BTBD1: variants seen among roughly 807,000 people sequenced by gnomAD.
BTBD1 encodes BTB/POZ domain-containing protein 1.
A neutral mutation model predicts 48.0 loss-of-function variants in BTBD1; 34 were observed. The observed-to-expected ratio is 0.71, with a 90% CI of 0.54 to 0.94. The LOEUF is 0.94. Among genes scored for constraint, BTBD1 ranks in the 40% least tolerant of loss-of-function variants. The probability of loss-of-function intolerance (pLI) is 0.00; values close to 1 mark genes in which losing one functional copy is unlikely to be tolerated. For missense variants in BTBD1, 543 were observed against 625.6 expected (o/e 0.87, Z 1.41); for synonymous variants, 261 against 242.1 (o/e 1.08, Z -0.72).
chr15:83,020,767 G>A lies in BTBD1; in HGVS notation c.1056-5C>T. On this transcript the variant is annotated splice_polypyrimidine_tract_variant and splice_region_variant and intron_variant, in intron 5 of 7. Transcript: ENST00000261721. ...ATCCTTCTATTAACTGTGAATCTGA[G>A]AGAAAGAAGCCAAAAATAAAATATA... 3 of 1,563,042 alleles carry A rather than the reference G, an allele frequency of 1.9e-6. No homozygotes were observed. Among genetic ancestry groups the A allele is most frequent in the Non-Finnish European group, 2.6e-6 (3 of 1,136,892 alleles).
intron 2 of BTBD1, among the ~76,000 whole-genome samples, chr15:83,054,934 A>G (rs577954344): frequency 6.6e-6 from 1 of 152,142 alleles, no homozygotes; most frequent in East Asian, 1.9e-4. Context: ...GGCCCTACCT[A>G]GCCTATGAGG....
chr15:83,054,326 G>C, intron 2 of BTBD1, among the ~76,000 whole-genome samples: 1 of 151,948 alleles, frequency 6.6e-6, no homozygotes, highest in East Asian at 1.9e-4. Context: ...AACAGAGTTA[G>C]AATCTGCCTC....
rs1423457314 is a variant in BTBD1, at chr15:83,016,851, T to C, written c.*1216A>G. 6 of 152,224 alleles carry C rather than the reference T, an allele frequency of 3.9e-5. No individual in the cohort carries two copies. The highest frequency in any genetic ancestry group is 3.2e-3 in the Middle Eastern group (1 of 316). 9.4% of individuals were successfully genotyped at this position (152,224 alleles called of 1,614,324 possible). Reference sequence around the variant, plus strand: ...TAGATGAAAATTTTTTGTATCTTACTTAGAAAAAATTAAGTTGATATTTAA... The same window carrying C: ...TAGATGAAAATTTTTTGTATCTTACCTAGAAAAAATTAAGTTGATATTTAA... On this transcript the variant is annotated 3_prime_UTR_variant, in exon 8 of 8. Transcript: ENST00000261721.
At chr15:83,039,992 CACACACACACACACACACACACACGG>C (rs1176812305) in intron 4 of BTBD1, among the ~76,000 whole-genome samples, 24 of 150,322 alleles carry the variant, frequency 1.6e-4, no homozygotes, top group East Asian at 3.9e-4. Context: ...GTGACACACA[CACACACACACACACACACACACACGG>C]ACACACACAC....
chr15:83,048,979 A>G (rs1221700936), intron 3 of BTBD1, among the ~76,000 whole-genome samples: 3 of 152,256 alleles, frequency 2.0e-5, no homozygotes, highest in Non-Finnish European at 4.4e-5. Context: ...GACCTCCCAC[A>G]CAACGCAGTT....
chr15:83,042,515 C>T (rs1481763475), intron 3 of BTBD1, among the ~76,000 whole-genome samples: 2 of 151,708 alleles, frequency 1.3e-5, no homozygotes, highest in Admixed American at 1.3e-4. Context: ...TCCTGGGTAG[C>T]TTGGATTACT....
intron 1 of BTBD1, among the ~76,000 whole-genome samples, chr15:83,065,753 C>G (rs575338777): frequency 6.6e-6 from 1 of 152,302 alleles, no homozygotes; most frequent in Non-Finnish European, 1.5e-5. Context: ...ACAATTCTTA[C>G]GCCTCCCTAA....
intron 5 of BTBD1, among the ~76,000 whole-genome samples, chr15:83,021,031 G>A (rs2032284012): frequency 6.6e-6 from 1 of 151,998 alleles, no homozygotes; most frequent in African/African-American, 2.4e-5. Context: ...AGTGCTATAC[G>A]AGTCCAAATA....
At chr15:83,023,250 T>C (rs562309253) in intron 5 of BTBD1, among the ~76,000 whole-genome samples, 136 of 152,328 alleles carry the variant, frequency 8.9e-4, no homozygotes, top group African/African-American at 3.2e-3. Flanking sequence ...TTATTTGCAG[T>C]TTTTGTTATT....
chr15:83,051,544 T>C (rs1051721876), intron 2 of BTBD1, among the ~76,000 whole-genome samples: 1 of 150,714 alleles, frequency 6.6e-6, no homozygotes, highest in Non-Finnish European at 1.5e-5. Flanking sequence ...TACTCGAATG[T>C]TTGAAAATGC....
chr15:83,062,928 C>G (rs552550295), intron 1 of BTBD1, among the ~76,000 whole-genome samples: 34 of 152,276 alleles, frequency 2.2e-4, no homozygotes, highest in Middle Eastern at 3.4e-3. Context: ...TCTGCCTAAC[C>G]TACTCTAATC....
intron 3 of BTBD1, among the ~76,000 whole-genome samples, chr15:83,046,106 A>G (rs1270876008): frequency 6.6e-6 from 1 of 151,958 alleles, no homozygotes; most frequent in African/African-American, 2.4e-5. Flanking sequence ...TGAATTACCA[A>G]TTTTTGGGGC....
rs571107201 is a variant in BTBD1, at chr15:83,066,894, G to A, written c.258C>T (p.Gly86=). 2.4e-5 allele frequency: 36 copies of A among 1,508,812 alleles called. 2 individuals carry two copies. The South Asian group carries it at 4.0e-4, about 17-fold the overall frequency. 93.5% of individuals were successfully genotyped at this position (1,508,812 alleles called of 1,614,324 possible). ...GKGRGAAAAG[G]PQRIPAHRFV... is the part of the protein sequence containing the mutation. ...AGCGGTGGGCGGGGATGCGCTGCGG[G>A]CCCCCAGCGGCGGCGGCGCCGCGAC... Residue 86 remains glycine (G), a synonymous_variant, in exon 1 of 8, where the codon GGC becomes GGT. Coordinates refer to ENST00000261721, the MANE Select transcript of BTBD1 (RefSeq NM_025238.4).
intron 3 of BTBD1, among the ~76,000 whole-genome samples, chr15:83,048,674 G>GA (rs2032924935): frequency 6.6e-6 from 1 of 152,168 alleles, no homozygotes; most frequent in Non-Finnish European, 1.5e-5. Context: ...GACTTCAAAT[G>GA]AAAGTGTCTA....
intron 1 of BTBD1, among the ~76,000 whole-genome samples, chr15:83,064,091 A>G (rs1220110585): frequency 6.6e-6 from 1 of 152,234 alleles, no homozygotes; most frequent in Non-Finnish European, 1.5e-5. Context: ...TTCAAAGTGC[A>G]CAGTTTCTTT....
intron 4 of BTBD1, among the ~76,000 whole-genome samples, chr15:83,041,066 T>C (rs927465098): frequency 6.6e-5 from 10 of 150,606 alleles, no homozygotes; most frequent in Non-Finnish European, 1.5e-4. Context: ...GTGGGAGGAT[T>C]GATTGAGCCT....
intron 5 of BTBD1, 87 bp downstream of exon 5, chr15:83,030,049 G>T: frequency 1.7e-6 from 2 of 1,155,602 alleles, no homozygotes; most frequent in Non-Finnish European, 2.6e-6. Flanking sequence ...ATGAAATGTT[G>T]GTTAATTATC....
intron 4 of BTBD1, 44 bp downstream of exon 4, chr15:83,041,682 CTA>C (rs1220423231): frequency 6.3e-7 from 1 of 1,578,166 alleles, no homozygotes; most frequent in Non-Finnish European, 8.7e-7. Context: ...CCCTGACAGA[CTA>C]TTAAAACAGT....
At chr15:83,044,847 T>G in intron 3 of BTBD1, 1 of 881,366 alleles carries the variant, frequency 1.1e-6, no homozygotes. Flanking sequence ...ATCTCCATAG[T>G]GTTTTTTTTC....
Sources: allele counts gnomAD v4.1 joint callset (sites outside exome capture counted in the v4.1 genomes callset), GRCh38; gene constraint gnomAD v4.1.1; transcripts MANE v1.5; gene names NCBI Gene and HGNC (gene_info 2026-07-23, HGNC 2026-07-21).